The following E2F2 variants were observed in gnomAD, a reference collection of about 807,000 sequenced individuals.
E2F2 encodes the protein E2F transcription factor 2.
E2F2 carries 22 observed loss-of-function variants against 42.2 expected under a neutral mutation model. The observed-to-expected ratio is 0.52, with a 90% CI of 0.37 to 0.74. The LOEUF (loss-of-function observed/expected upper bound fraction) is 0.74, where lower values mean the gene tolerates loss of function less well. Among genes scored for constraint, E2F2 ranks in the 30% least tolerant of loss-of-function variants. The pLI is 0.00. For synonymous variants in E2F2, 248 were observed against 251.6 expected (o/e 0.99, Z 0.13); for missense variants, 481 against 557.8 (o/e 0.86, Z 1.39).
chr1:23,519,271 T>A (rs1231974143), intron 4 of E2F2, 141 bp from the exon 5 acceptor site: 1 of 530,068 alleles, frequency 1.9e-6, no homozygotes, highest in Non-Finnish European at 3.4e-6. Context: ...TAATACAATC[T>A]GTAACCTGTT....
chr1:23,519,252 A>G, intron 4 of E2F2, 122 bp from the exon 5 acceptor site: 1 of 579,266 alleles, frequency 1.7e-6, no homozygotes, highest in African/African-American at 1.9e-5. Context: ...TCCTTGTACA[A>G]CTTAGAAATA....
rs561145379 is a variant in E2F2 at position 23,516,805 on chromosome 1, G to A, written c.853-278C>T. On this transcript the variant is annotated intron_variant, in intron 5 of 6. Transcript: ENST00000361729. ...GGTCATCTAGTTTTGGGGCGGGGGG[G>A]GGGGGGCAGCACCCTTCCCCAATGC... 7.8e-4 allele frequency among the ~76,000 whole-genome samples: 109 copies of A among 139,478 alleles called. 3 individuals carry two copies. In the East Asian group the frequency reaches 0.023, roughly 30 times the overall value. 91.5% of individuals were successfully genotyped at this position (139,478 alleles called of 152,430 possible).
intron 3 of E2F2, among the ~76,000 whole-genome samples, chr1:23,521,419 G>C (rs1040827595): frequency 6.6e-6 from 1 of 152,096 alleles, no homozygotes; most frequent in Non-Finnish European, 1.5e-5. Context: ...TGTAGAAATG[G>C]AGAGAGGAGG....
At chr1:23,529,514 T>C (rs1408360304) in intron 1 of E2F2, among the ~76,000 whole-genome samples, 2 of 152,136 alleles carry the variant, frequency 1.3e-5, no homozygotes, top group Admixed American at 6.5e-5. Context: ...CCCGAACTTA[T>C]TCACCAAACT....
At chr1:23,515,211 T>C (rs1488088199) in intron 6 of E2F2, among the ~76,000 whole-genome samples, 2 of 152,266 alleles carry the variant, frequency 1.3e-5, no homozygotes, top group South Asian at 2.1e-4. Flanking sequence ...GCCGGATGTG[T>C]GATCCAGGAA....
chr1:23,519,590 G>C (rs1643095473), intron 4 of E2F2, among the ~76,000 whole-genome samples: 1 of 152,244 alleles, frequency 6.6e-6, no homozygotes, highest in Non-Finnish European at 1.5e-5. Context: ...CAATCCTAGG[G>C]ATCTGACCTA....
chr1:23,526,567 T>C (rs1417632388), intron 1 of E2F2, among the ~76,000 whole-genome samples: 1 of 152,118 alleles, frequency 6.6e-6, no homozygotes, highest in Non-Finnish European at 1.5e-5. Context: ...CAGGAAGACC[T>C]TGAACAGAAT....
At chr1:23,525,907 G>A (rs1448717097) in intron 1 of E2F2, among the ~76,000 whole-genome samples, 2 of 152,088 alleles carry the variant, frequency 1.3e-5, no homozygotes, top group Non-Finnish European at 2.9e-5. Context: ...TTAGTGGTGA[G>A]GTCATGCTCA....
chr1:23,508,036 G>T lies in E2F2; in HGVS notation c.*1844C>A, dbSNP rs961368435. ...CCCTGAGCATGCTGGACTTTAAGAC[G>T]GGCGTCTGATAAGACCCTTGTGAGT... On this transcript the variant is annotated 3_prime_UTR_variant, in exon 7 of 7. Coordinates refer to ENST00000361729, the MANE Select transcript of E2F2 (RefSeq NM_004091.4). 5.3e-5 allele frequency: 8 copies of T among 152,314 alleles called. No homozygotes were observed. The highest frequency in any genetic ancestry group is 1.9e-4 in the African/African-American group (8 of 41,566). 9.4% of individuals were successfully genotyped at this position (152,314 alleles called of 1,614,324 possible). A position where few individuals can be genotyped will look rare whatever the true frequency, so the allele number is the denominator to read the frequency against.
rs1643330549 is a variant in E2F2, at chr1:23,530,889, C to T, written c.-96G>A. 5.8e-6 allele frequency: 8 copies of T among 1,387,692 alleles called. No individual in the cohort carries two copies. The South Asian group carries it at 1.3e-4, about 23-fold the overall frequency. The allele number at this position is 1,387,692 out of a possible 1,614,324, so 86.0% of individuals were successfully genotyped here. A position where few individuals can be genotyped will look rare whatever the true frequency, so the allele number is the denominator to read the frequency against. ...GCCTTTCACACGGCCCGCGGCATGG[C>T]GCGGAGGCCGGGGGAAGCCGCCAAT... On this transcript the variant is annotated 5_prime_UTR_variant, in exon 1 of 7. Coordinates refer to ENST00000361729, the MANE Select transcript of E2F2 (RefSeq NM_004091.4). The surrounding 1 kb of genome is among the most constrained non-coding windows in gnomAD (Gnocchi z 4.4).
intron 2 of E2F2, 100 bp from the exon 3 acceptor site, chr1:23,522,156 C>A: frequency 9.4e-7 from 1 of 1,067,888 alleles, no homozygotes; most frequent in Non-Finnish European, 1.3e-6. Flanking sequence ...CTTTCACCAC[C>A]CACTTTCCAG....
chr1:23,513,889 T>C (rs576645159), intron 6 of E2F2, among the ~76,000 whole-genome samples: 10 of 152,040 alleles, frequency 6.6e-5, no homozygotes, highest in African/African-American at 2.4e-4. Flanking sequence ...TTTGGGAAGC[T>C]GAGGTGGGTG....
At chr1:23,522,859 C>A (rs1256806569) in intron 2 of E2F2, among the ~76,000 whole-genome samples, 1 of 152,136 alleles carries the variant, frequency 6.6e-6, no homozygotes, top group Non-Finnish European at 1.5e-5. Context: ...AGTGGCCAAT[C>A]CAGTAATTCT....
chr1:23,511,562 C>T (rs925258452), intron 6 of E2F2, among the ~76,000 whole-genome samples: 2 of 152,076 alleles, frequency 1.3e-5, no homozygotes, highest in Non-Finnish European at 2.9e-5. Flanking sequence ...GATGTTAAGA[C>T]GGTGATTTCC....
Position 23,518,912 on chromosome 1 carries a change from A to AT in E2F2, c.852+103_852+104insA. The AT allele has an allele frequency of 3.6e-6, 3 of 827,986 alleles. No individual in the cohort carries two copies. The South Asian group carries it at 5.9e-5, about 16-fold the overall frequency. 51.3% of individuals were successfully genotyped at this position (827,986 alleles called of 1,614,324 possible). A position where few individuals can be genotyped will look rare whatever the true frequency, so the allele number is the denominator to read the frequency against. Reference sequence around the variant, plus strand: ...CCATGGACACCACAATGGGCCTGCAAAGCATGGGGCTAGGCAGTGCCAGGG... The same window carrying AT: ...CCATGGACACCACAATGGGCCTGCAATAGCATGGGGCTAGGCAGTGCCAGGG... On this transcript the variant is annotated intron_variant, in intron 5 of 6. Transcript: ENST00000361729.
rs771530640 is a variant in E2F2 at position 23,508,781 on chromosome 1, A to G, written c.*1099T>C. 3.9e-5 allele frequency: 6 copies of G among 152,032 alleles called. No individual in the cohort carries two copies. The highest frequency in any genetic ancestry group is 7.3e-5 in the African/African-American group (3 of 41,274). 9.4% of individuals were successfully genotyped at this position (152,032 alleles called of 1,614,324 possible). A position where few individuals can be genotyped will look rare whatever the true frequency, so the allele number is the denominator to read the frequency against. On this transcript the variant is annotated 3_prime_UTR_variant, in exon 7 of 7. Transcript: ENST00000361729. ...AGTCCTTAATGAACCATCCCCTTCA[A>G]TAACATGGTGAAAAAATTCCTCCCA...
At chr1:23,514,842 A>G (rs1642986624) in intron 6 of E2F2, among the ~76,000 whole-genome samples, 1 of 151,730 alleles carries the variant, frequency 6.6e-6, no homozygotes, top group African/African-American at 2.4e-5. Flanking sequence ...TCAAAAAAAA[A>G]AAAAAAAAAA....
At position 23,521,731 on chromosome 1, in the gene E2F2, G is replaced by A. The variant is rs1411981405; in HGVS notation, c.578+106C>T. ...TCAGCCCTTGTGCCCATTGGATGTTGCTCTCAGCCCCGCCCCTGCCACTCA... is the reference window on the plus strand; with the variant it reads ...TCAGCCCTTGTGCCCATTGGATGTTACTCTCAGCCCCGCCCCTGCCACTCA... On this transcript the variant is annotated intron_variant, in intron 3 of 6. Transcript: ENST00000361729. 3.3e-6 allele frequency: 5 copies of A among 1,518,866 alleles called. No homozygotes were observed. The African/African-American group carries it at 6.9e-5, about 21-fold the overall frequency. The allele number at this position is 1,518,866 out of a possible 1,614,324, so 94.1% of individuals were successfully genotyped here. A position where few individuals can be genotyped will look rare whatever the true frequency, so the allele number is the denominator to read the frequency against.
At position 23,530,724 on chromosome 1, in the gene E2F2, G is replaced by A. The variant is rs1460225793; in HGVS notation, c.70C>T (p.Pro24Ser). Reference protein sequence around the residue: ...QTPKVVPAMSPTELWPSGLSS... With the variant: ...QTPKVVPAMSSTELWPSGLSS... ...AGGCCGGATGGCCACAGCTCTGTGG[G>A]GCTCATCGCGGGCACCACCTTCGGG... Residue 24 changes from proline (P) to serine (S), a missense_variant, in exon 1 of 7, where the codon CCC (proline) becomes TCC (serine). Transcript: ENST00000361729. The surrounding 1 kb of genome is among the most constrained non-coding windows in gnomAD (Gnocchi z 4.4). 1.2e-6 allele frequency: 2 copies of A among 1,602,178 alleles called. No individual in the cohort carries two copies. Among genetic ancestry groups the A allele is most frequent in the Non-Finnish European group, 1.7e-6 (2 of 1,174,668 alleles).
Sources: gnomAD v4.1 joint callset for allele counts (sites outside exome capture counted in the v4.1 genomes callset) on GRCh38, gnomAD v4.1.1 for gene constraint, Gnocchi (gnomAD v3.1) non-coding constraint, MANE v1.5 for transcripts, NCBI Gene and HGNC (gene_info 2026-07-23, HGNC 2026-07-21) for gene names.